KLB: variants seen among roughly 807,000 people sequenced by gnomAD.
KLB encodes beta-klotho.
Under a neutral mutation model 88.4 loss-of-function variants are expected in KLB, and 44 were observed. That is an observed-to-expected ratio of 0.50 (90% confidence interval 0.39 to 0.64). The LOEUF is 0.64. Among genes scored for constraint, KLB ranks in the 30% least tolerant of loss-of-function variants. The pLI, the probability that KLB is intolerant of heterozygous loss-of-function variation, is 0.00. For missense variants in KLB, 1,137 were observed against 1,304.8 expected, an observed-to-expected ratio of 0.87 and a Z score of 1.98; for synonymous variants, 548 against 513.4, an observed-to-expected ratio of 1.07 and a Z score of -0.91.
Position 39,446,661 on chromosome 4 carries a change from C to G in KLB, c.1935C>G (p.Thr645=). The part of the protein sequence containing the change: ...ISAMVTLYYP[T]HAHLGLPEPL... ...CGATGGTCACCCTGTATTATCCGAC[C>G]CACGCCCACCTAGGCCTCCCCGAGC... The change falls in exon 4 of 5, where the codon ACC becomes ACG. Residue 645 remains threonine, a synonymous_variant. Coordinates refer to ENST00000257408, the MANE Select transcript of KLB (RefSeq NM_175737.4). This position sits in a 1 kb window ranked among gnomAD's most constrained non-coding sequence, Gnocchi z 6.4. 1.2e-6 allele frequency: 2 copies of G among 1,612,684 alleles called. No individual in the cohort carries two copies. The highest frequency in any genetic ancestry group is 1.7e-6 in the Non-Finnish European group (2 of 1,179,286).
chr4:39,449,313 CTG>C lies in KLB; in HGVS notation c.*631_*632del, dbSNP rs1299570338. 1.5e-5 allele frequency: 2 copies of C among 130,708 alleles called. No homozygotes were observed. The highest frequency in any genetic ancestry group is 2.9e-5 in the African/African-American group (1 of 35,000). The allele number at this position is 130,708 out of a possible 1,614,324, so 8.1% of individuals were successfully genotyped here. A position where few individuals can be genotyped will look rare whatever the true frequency, so the allele number is the denominator to read the frequency against. ...TCCAGCCTAGGCGACAACAGCAAGA[CTG>C]TGTCCAAAAAAAAAAAAAAAAGCAA... On this transcript the variant is annotated 3_prime_UTR_variant, in exon 5 of 5. Transcript: ENST00000257408.
chr4:39,439,003 CT>C lies in KLB; in HGVS notation c.1605+1025del, dbSNP rs1343702750. 8.4e-3 allele frequency among the ~76,000 whole-genome samples: 1,169 copies of C among 139,876 alleles called. 8 individuals carry two copies. The highest frequency in any genetic ancestry group is 0.02 in the African/African-American group (772 of 38,002). The allele number at this position is 139,876 out of a possible 152,430, so 91.8% of individuals were successfully genotyped here. A position where few individuals can be genotyped will look rare whatever the true frequency, so the allele number is the denominator to read the frequency against. Reference sequence around the variant, plus strand: ...TGTATGCACATTCTCTCTACTTCATCTTTTTTTTTTTTTTTTTGAGACAGGA... The same window carrying C: ...TGTATGCACATTCTCTCTACTTCATCTTTTTTTTTTTTTTTTGAGACAGGA... On this transcript the variant is annotated intron_variant, in intron 3 of 4. Coordinates refer to ENST00000257408, the MANE Select transcript of KLB (RefSeq NM_175737.4).
intron 3 of KLB, among the ~76,000 whole-genome samples, chr4:39,440,618 T>G (rs565549608): frequency 6.6e-6 from 1 of 151,664 alleles, no homozygotes; most frequent in Non-Finnish European, 1.5e-5. Context: ...GAGTTTTGCT[T>G]TGTTGCCTGG....
At chr4:39,427,826 C>A (rs1049844132) in intron 1 of KLB, among the ~76,000 whole-genome samples, 7 of 152,166 alleles carry the variant, frequency 4.6e-5, no homozygotes, top group Non-Finnish European at 2.9e-5. Flanking sequence ...CACGAAAATT[C>A]TCTAGGGTGT....
At position 39,437,875 on chromosome 4, in the gene KLB, A is replaced by G. The variant is rs536521876; in HGVS notation, c.1485A>G (p.Ser495=). The part of the protein sequence containing the change: ...SKQKERKPKS[S]AHYYKQIIRE... ...AGAAAGAGCGGAAACCTAAGTCTTC[A>G]GCACACTACTACAAACAGATCATAC... Residue 495 remains serine, a synonymous_variant, in exon 3 of 5, where the codon TCA becomes TCG. Transcript: ENST00000257408. The G allele has an allele frequency of 9.9e-6, 16 of 1,614,234 alleles. No individual in the cohort carries two copies. In the South Asian group the frequency reaches 1.8e-4, roughly 18 times the overall value.
intron 1 of KLB, among the ~76,000 whole-genome samples, chr4:39,411,104 A>G (rs1190928719): frequency 6.6e-6 from 1 of 152,100 alleles, no homozygotes; most frequent in Admixed American, 6.6e-5. Context: ...CCCAGCCTGG[A>G]GTGCAGTGGC....
At chr4:39,435,800 G>C (rs1743460722) in intron 2 of KLB, among the ~76,000 whole-genome samples, 1 of 152,176 alleles carries the variant, frequency 6.6e-6, no homozygotes, top group African/African-American at 2.4e-5. Context: ...TTTGAGAACA[G>C]AATCCTTTCA....
In KLB at chr4:39,446,982, C is replaced by G; in HGVS notation, c.2256C>G (p.Pro752=). The G allele has an allele frequency of 6.2e-7, 1 of 1,608,958 alleles. No individual in the cohort carries two copies. The highest frequency in any genetic ancestry group is 1.1e-5 in the South Asian group (1 of 91,072). The change falls in exon 4 of 5, where the codon CCC becomes CCG. Residue 752 remains proline, a synonymous_variant. Transcript: ENST00000257408. The surrounding 1 kb of genome is among the most constrained non-coding windows in gnomAD (Gnocchi z 6.4). ...LHADWAEPAN[P]YADSHWRAAE... ...CGGACTGGGCGGAACCCGCCAACCC[C>G]TATGCTGACTCGCACTGGAGGGCGG...
rs748262276 is a variant in KLB at position 39,447,037 on chromosome 4, T to C, written c.2311T>C (p.Trp771Arg). 6.8e-6 allele frequency: 11 copies of C among 1,612,038 alleles called. No individual in the cohort carries two copies. The highest frequency in any genetic ancestry group is 1.7e-5 in the Admixed American group (1 of 60,036). The change falls in exon 4 of 5, where the codon TGG (tryptophan) becomes CGG (arginine). Residue 771 changes from tryptophan (W) to arginine (R), a missense_variant. By Grantham distance (101) the Trp-to-Arg change is moderately radical. Coordinates refer to ENST00000257408, the MANE Select transcript of KLB (RefSeq NM_175737.4). ...AERFLQFEIA[W>R]FAEPLFKTGD... ...GCGCTTCCTGCAGTTCGAGATCGCCTGGTTCGCCGAGCCGCTCTTCAAGAC... is the reference window on the plus strand; with the variant it reads ...GCGCTTCCTGCAGTTCGAGATCGCCCGGTTCGCCGAGCCGCTCTTCAAGAC...
chr4:39,435,688 A>G (rs1743458970), intron 2 of KLB, among the ~76,000 whole-genome samples: 1 of 151,838 alleles, frequency 6.6e-6, no homozygotes, highest in Non-Finnish European at 1.5e-5. Context: ...AGCCTCCCAA[A>G]GTGCCAGGAT....
In KLB at chr4:39,437,930, A is replaced by G. The variant is rs1454378331; in HGVS notation, c.1540A>G (p.Thr514Ala). ...AAATGGTTTTTCTTTAAAAGAGTCC[A>G]CGCCAGATGTGCAGGGCCAGTTTCC... ...RENGFSLKES[T>A]PDVQGQFPCD... Residue 514 changes from threonine to alanine, a missense_variant, in exon 3 of 5, where the codon ACG (threonine) becomes GCG (alanine). This residue lies in a region of KLB where 597 missense variants were observed against 765.2 expected (regional missense o/e 0.78). Transcript: ENST00000257408. 1 of 1,614,216 alleles carries G rather than the reference A, an allele frequency of 6.2e-7. No homozygotes were observed. Among genetic ancestry groups the G allele is most frequent in the Admixed American group, 1.7e-5 (1 of 60,022 alleles).
intron 1 of KLB, among the ~76,000 whole-genome samples, chr4:39,411,000 A>C (rs2109817750): frequency 6.6e-6 from 1 of 152,200 alleles, no homozygotes; most frequent in Admixed American, 6.5e-5. Context: ...CTCAGGTAAA[A>C]ATTTTCCATA....
intron 2 of KLB, among the ~76,000 whole-genome samples, chr4:39,435,903 C>CTACTGTT (rs1269603126): frequency 1.3e-5 from 2 of 152,330 alleles, no homozygotes; most frequent in East Asian, 3.9e-4. Flanking sequence ...AGTTTCCTAA[C>CTACTGTT]AGTAGTACTT....
chr4:39,423,864 T>A (rs988124296), intron 1 of KLB, among the ~76,000 whole-genome samples: 1 of 151,392 alleles, frequency 6.6e-6, no homozygotes, highest in Non-Finnish European at 1.5e-5. Flanking sequence ...ATAAAAAAAA[T>A]TTTAAAGGGA....
chr4:39,446,935 G>T lies in KLB; in HGVS notation c.2209G>T (p.Ala737Ser). 1 of 1,604,654 alleles carries T rather than the reference G, an allele frequency of 6.2e-7. No individual in the cohort carries two copies. Residue 737 changes from alanine to serine, a missense_variant, in exon 4 of 5, where the codon GCC becomes TCC. This residue lies in a region of KLB where 426 missense variants were observed against 404.6 expected (regional missense o/e 1.05). Transcript: ENST00000257408. The surrounding 1 kb of genome is among the most constrained non-coding windows in gnomAD (Gnocchi z 6.4). Reference protein sequence around the residue: ...DRQFRPSQRGAVSLSLHADWA... With the variant: ...DRQFRPSQRGSVSLSLHADWA... ...GCAGTTCAGGCCCTCACAGCGCGGG[G>T]CCGTGTCGCTGTCGCTGCACGCGGA... is the stretch of plus-strand genomic sequence containing the variant.
rs1743428771 is a variant in KLB, at chr4:39,434,511, CCAA to C, written c.1132_1134del (p.Asn378del). ...GATTTCTTTGCCTTTTCTTTTGGAC[CCAA>C]CAACTTCAAGCCCCTAAACACCATG... On this transcript the variant is annotated inframe_deletion, in exon 2 of 5. Coordinates refer to ENST00000257408, the MANE Select transcript of KLB (RefSeq NM_175737.4). 6.2e-7 allele frequency: 1 copy of C among 1,613,954 alleles called. No homozygotes were observed. The highest frequency in any genetic ancestry group is 8.5e-7 in the Non-Finnish European group (1 of 1,180,004).
intron 1 of KLB, among the ~76,000 whole-genome samples, chr4:39,418,505 C>T (rs113227664): frequency 6.0e-4 from 91 of 151,882 alleles, no homozygotes; most frequent in African/African-American, 2.0e-3. Context: ...TCCCAAAGTG[C>T]TGGGATTACA....
chr4:39,424,788 C>T (rs1211587221), intron 1 of KLB, among the ~76,000 whole-genome samples: 2 of 152,050 alleles, frequency 1.3e-5, no homozygotes, highest in Non-Finnish European at 2.9e-5. Flanking sequence ...GCCACCACGC[C>T]TGGCTAATTT....
At chr4:39,417,368 G>A (rs1361992589) in intron 1 of KLB, among the ~76,000 whole-genome samples, 2 of 152,148 alleles carry the variant, frequency 1.3e-5, no homozygotes, top group Non-Finnish European at 2.9e-5. Context: ...AGGCTGGAGT[G>A]TAATGGCGTG....
Sources: allele counts gnomAD v4.1 joint callset (sites outside exome capture counted in the v4.1 genomes callset), GRCh38; gene constraint gnomAD v4.1.1; regional missense constraint gnomAD v4.1.1; non-coding constraint Gnocchi (gnomAD v3.1); transcripts MANE v1.5; gene names NCBI Gene and HGNC (gene_info 2026-07-23, HGNC 2026-07-21).